Variants in TECTA observed in about 807,000 individuals in gnomAD.
The protein encoded by TECTA is tectorin alpha, also known as alpha-tectorin.
TECTA carries 128 observed loss-of-function variants against 216.8 expected under a neutral mutation model. That is an observed-to-expected ratio of 0.59 (90% CI 0.51 to 0.68). The LOEUF (loss-of-function observed/expected upper bound fraction) is 0.68, where lower values mean the gene tolerates loss of function less well. Among genes scored for constraint, TECTA ranks in the 30% least tolerant of loss-of-function variants. The probability of loss-of-function intolerance (pLI) is 0.00; values close to 1 mark genes in which losing one functional copy is unlikely to be tolerated. For missense variants in TECTA, 2,551 were observed against 2,786.2 expected (o/e 0.92, Z 1.90); for synonymous variants, 1,089 against 1,117.1 (o/e 0.97, Z 0.50).
intron 4 of TECTA, among the ~76,000 whole-genome samples, chr11:121,110,877 A>G (rs1946435603): frequency 6.6e-6 from 1 of 152,242 alleles, no homozygotes; most frequent in Non-Finnish European, 1.5e-5. Context: ...GGATGAATGA[A>G]GTAACATCTA....
At position 121,173,148 on chromosome 11, in the gene TECTA, A is replaced by G. The variant is rs182380016; in HGVS notation, c.5999+4223A>G. 3.0e-3 allele frequency among the ~76,000 whole-genome samples: 459 copies of G among 151,940 alleles called. 3 individuals carry two copies. Among genetic ancestry groups the G allele is most frequent in the African/African-American group, 0.011 (445 of 41,422 alleles). On this transcript the variant is annotated intron_variant, in intron 20 of 23. Coordinates refer to ENST00000392793, the MANE Select transcript of TECTA (RefSeq NM_005422.4). ...CTCCCATTTTGCAGGTTGCCTGTTC[A>G]CTCTGGTGGTAGTTTCTTTTGCTGT...
intron 13 of TECTA, among the ~76,000 whole-genome samples, 163 bp downstream of exon 13, chr11:121,153,243 C>T (rs1946910811): frequency 1.4e-5 from 2 of 141,434 alleles, no homozygotes; most frequent in Admixed American, 1.4e-4. Flanking sequence ...GCACACTGTT[C>T]AGGTGATGCT....
At chr11:121,101,997 G>A (rs1946350888) in intron 1 of TECTA, among the ~76,000 whole-genome samples, 4 of 152,182 alleles carry the variant, frequency 2.6e-5, no homozygotes, top group Admixed American at 2.6e-4. Flanking sequence ...TTGTGCGCTG[G>A]ATTCTATTTT....
At chr11:121,120,725 C>A (rs776849169) in intron 7 of TECTA, among the ~76,000 whole-genome samples, 4 of 152,208 alleles carry the variant, frequency 2.6e-5, no homozygotes, top group Non-Finnish European at 5.9e-5. Context: ...AAAAAGGCAG[C>A]ATAAGTAAAA....
Position 121,129,857 on chromosome 11 carries a change from C to T in TECTA, c.2587C>T (p.Pro863Ser), listed in dbSNP as rs1275996485. 6.2e-7 allele frequency: 1 copy of T among 1,614,112 alleles called. No homozygotes were observed. Among genetic ancestry groups the T allele is most frequent in the East Asian group, 2.2e-5 (1 of 44,898 alleles). Residue 863 changes from proline (P) to serine (S), a missense_variant, in exon 10 of 24, where the codon CCC (proline) becomes TCC (serine). Physicochemically the swap from Pro to Ser is moderately conservative, Grantham distance 74 (BLOSUM62 -1). Coordinates refer to ENST00000392793, the MANE Select transcript of TECTA (RefSeq NM_005422.4). The stretch of plus-strand genomic sequence containing the variant: ...CAACGCCAGTGACGAGTTCTGTCTC[C>T]CCAACGGCAAGTGCACGGACAACCT... ...NANASDEFCL[P>S]NGKCTDNLAV... is the part of the protein sequence containing the mutation.
At chr11:121,157,630 G>T (rs1317990159) in intron 13 of TECTA, among the ~76,000 whole-genome samples, 1 of 152,164 alleles carries the variant, frequency 6.6e-6, no homozygotes, top group Non-Finnish European at 1.5e-5. Flanking sequence ...AAATAAATGC[G>T]TGTCAAAACT....
Position 121,165,336 on chromosome 11 carries a change from A to G in TECTA, c.5336A>G (p.Asn1779Ser). ...DCPNRTCELG[N>S]GRELCGCIEP... The stretch of plus-strand genomic sequence containing the variant: ...CCCAACCGAACTTGCGAGCTGGGCA[A>G]TGGCAGGGAGCTGTGTGGCTGCATC... Residue 1779 changes from asparagine to serine, a missense_variant, in exon 17 of 24, where the codon AAT becomes AGT. Physicochemically the swap from Asn to Ser is conservative, Grantham distance 46. Transcript: ENST00000392793. 6.2e-7 allele frequency: 1 copy of G among 1,608,086 alleles called. No homozygotes were observed. Among genetic ancestry groups the G allele is most frequent in the Non-Finnish European group, 8.5e-7 (1 of 1,177,462 alleles).
At chr11:121,147,251 G>A (rs139176140) in intron 12 of TECTA, among the ~76,000 whole-genome samples, 118 of 152,274 alleles carry the variant, frequency 7.7e-4, no homozygotes, top group African/African-American at 2.7e-3. Context: ...CTAACTAAGC[G>A]ATGCAGCAGG....
chr11:121,108,162 C>T (rs1373854374), intron 3 of TECTA, among the ~76,000 whole-genome samples: 5 of 152,118 alleles, frequency 3.3e-5, no homozygotes, highest in Non-Finnish European at 5.9e-5. Flanking sequence ...TCAAATTTAA[C>T]TTTACTTCCA....
In TECTA at chr11:121,128,134, GGT is replaced by G; in HGVS notation, c.2159_2160del (p.Val720AlafsTer5). 1 of 1,612,944 alleles carries G rather than the reference GGT, an allele frequency of 6.2e-7. No homozygotes were observed. The highest frequency in any genetic ancestry group is 1.1e-5 in the South Asian group (1 of 91,088). ...CCGTGTGCCTGCTCAGCCAGAACCA[GGT>G]GCTGCACACCTTTGACGGCGCCTCC... ...ETVCLLSQNQVLHTFDGASYA... is the reference protein window; with the variant it reads ...ETVCLLSQNQXLHTFDGASYA... On this transcript the variant is annotated frameshift_variant, in exon 9 of 24. Coordinates refer to ENST00000392793, the MANE Select transcript of TECTA (RefSeq NM_005422.4). LOFTEE classifies it high-confidence loss of function.
intron 6 of TECTA, among the ~76,000 whole-genome samples, chr11:121,116,761 T>C (rs946741976): frequency 5.3e-5 from 8 of 152,188 alleles, no homozygotes; most frequent in Non-Finnish European, 8.8e-5. Context: ...AAACCTCCTC[T>C]ATTCAAAGGC....
At position 121,127,180 on chromosome 11, in the gene TECTA, G is replaced by T. The variant is rs1946621195; in HGVS notation, c.1775-572G>T. Among the ~76,000 whole-genome samples the T allele has an allele frequency of 2.0e-5, 3 of 152,180 alleles. No individual in the cohort carries two copies. The highest frequency in any genetic ancestry group is 2.0e-4 in the Admixed American group (3 of 15,278). Reference sequence around the variant, plus strand: ...GGAGAAACAGCCACACAAATTCTTTGAATTCTTTGGAGGTAGCCAGGGCGC... The same window carrying T: ...GGAGAAACAGCCACACAAATTCTTTTAATTCTTTGGAGGTAGCCAGGGCGC... On this transcript the variant is annotated intron_variant, in intron 8 of 23. Coordinates refer to ENST00000392793, the MANE Select transcript of TECTA (RefSeq NM_005422.4). This position sits in a 1 kb window ranked among gnomAD's most constrained non-coding sequence, Gnocchi z 5.0.
chr11:121,174,245 GA>G (rs1296328682), intron 20 of TECTA, among the ~76,000 whole-genome samples: 1 of 151,596 alleles, frequency 6.6e-6, no homozygotes, highest in African/African-American at 2.4e-5. Context: ...GGAGTGGTGA[GA>G]GAGGGCATCC....
At chr11:121,116,957 C>T (rs1435842475) in intron 6 of TECTA, among the ~76,000 whole-genome samples, 1 of 152,160 alleles carries the variant, frequency 6.6e-6, no homozygotes, top group Non-Finnish European at 1.5e-5. Flanking sequence ...TTTTTCAACC[C>T]TATTCTCAAC....
At chr11:121,187,381 A>G (rs1436780852) in intron 20 of TECTA, among the ~76,000 whole-genome samples, 1 of 152,182 alleles carries the variant, frequency 6.6e-6, no homozygotes, top group Non-Finnish European at 1.5e-5. Flanking sequence ...TCCAGCTCCT[A>G]CCTATTTTGA....
Position 121,113,318 on chromosome 11 carries a change from C to A in TECTA, c.624+109C>A. The stretch of plus-strand genomic sequence containing the variant: ...TGCCACCAGCTTTTAACTAGAGACG[C>A]AGGTCTGATCTCGCAGGTGGACTAC... On this transcript the variant is annotated intron_variant, in intron 5 of 23. Coordinates refer to ENST00000392793, the MANE Select transcript of TECTA (RefSeq NM_005422.4). The surrounding 1 kb of genome is among the most constrained non-coding windows in gnomAD (Gnocchi z 4.2). 1.3e-6 allele frequency: 2 copies of A among 1,583,200 alleles called. No homozygotes were observed. Among genetic ancestry groups the A allele is most frequent in the South Asian group, 2.2e-5 (2 of 89,444 alleles).
At position 121,129,913 on chromosome 11, in the gene TECTA, C is replaced by G; in HGVS notation, c.2643C>G (p.Phe881Leu). 6.2e-7 allele frequency: 1 copy of G among 1,613,838 alleles called. No homozygotes were observed. The highest frequency in any genetic ancestry group is 1.7e-5 in the Admixed American group (1 of 60,026). Residue 881 changes from phenylalanine to leucine, a missense_variant, in exon 10 of 24, where the codon TTC becomes TTG. Physicochemically the swap from Phe to Leu is conservative, Grantham distance 22 (BLOSUM62 0). Coordinates refer to ENST00000392793, the MANE Select transcript of TECTA (RefSeq NM_005422.4). ...LAVFLESWTT[F>L]EEICNGECGD... ...TGTTCCTGGAAAGCTGGACAACTTT[C>G]GAGGAGATCTGCAATGGAGAGTGTG...
chr11:121,166,681 C>T lies in TECTA; in HGVS notation c.5487C>T (p.Gly1829=), dbSNP rs200987442. 2.2e-5 allele frequency: 35 copies of T among 1,614,074 alleles called. No homozygotes were observed. Among genetic ancestry groups the T allele is most frequent in the South Asian group, 3.3e-5 (3 of 91,068 alleles). The part of the protein sequence containing the change: ...KLFQLGFERE[G]VRINDRQCTG... The stretch of plus-strand genomic sequence containing the variant: ...TCCAGCTCGGTTTTGAGAGGGAGGG[C>T]GTGAGGATCAATGACAGACAGTGCA... The change falls in exon 18 of 24, where the codon GGC becomes GGT. Residue 1829 remains glycine (G), a synonymous_variant. Transcript: ENST00000392793.
chr11:121,190,057 C>A, intron 23 of TECTA, 177 bp downstream of exon 23: 4 of 620,300 alleles, frequency 6.4e-6, no homozygotes, highest in South Asian at 1.8e-5. Context: ...ATTAAACAAA[C>A]AAACAAACAA....
Sources: gnomAD v4.1 joint callset for allele counts (sites outside exome capture counted in the v4.1 genomes callset) on GRCh38, gnomAD v4.1.1 for gene constraint, Gnocchi (gnomAD v3.1) non-coding constraint, MANE v1.5 for transcripts, NCBI Gene and HGNC (gene_info 2026-07-23, HGNC 2026-07-21) for gene names.